Variants in SGO1 observed in about 807,000 individuals in gnomAD.
The protein encoded by SGO1 is shugoshin 1, also known as serologically defined breast cancer antigen NY-BR-85.
A neutral mutation model predicts 50.5 loss-of-function variants in SGO1; 39 were observed. That is an observed-to-expected ratio of 0.77 (90% CI 0.60 to 1.01). The LOEUF (loss-of-function observed/expected upper bound fraction) is 1.01. SGO1 is among the 50% of genes least tolerant of loss of function. SGO1 has a pLI of 0.00. For synonymous variants in SGO1, 191 were observed against 205.1 expected, an observed-to-expected ratio of 0.93 and a Z score of 0.59; for missense variants, 638 against 606.0, an observed-to-expected ratio of 1.05 and a Z score of -0.55.
In SGO1 at chr3:20,183,814, G is replaced by A; in HGVS notation, c.143-10C>T. ...AGTGTAGAAGTGTTGGCTAAAAGAG[G>A]ATAAAAAAATTTATCAGTTATTAAA... On this transcript the variant is annotated splice_polypyrimidine_tract_variant and intron_variant, in intron 2 of 7. Coordinates refer to ENST00000412997, the MANE Select transcript of SGO1 (RefSeq NM_001199251.3). The A allele has an allele frequency of 1.3e-6, 2 of 1,599,902 alleles. No individual in the cohort carries two copies. Among genetic ancestry groups the A allele is most frequent in the Non-Finnish European group, 1.7e-6 (2 of 1,176,550 alleles).
chr3:20,165,194 G>A (rs1700232440), downstream of SGO1, among the ~76,000 whole-genome samples: 1 of 152,178 alleles, frequency 6.6e-6, no homozygotes, highest in South Asian at 2.1e-4. Context: ...GAGATCACAC[G>A]GCAAGAAAGG....
chr3:20,168,400 A>G (rs1340996455), downstream of SGO1, among the ~76,000 whole-genome samples: 4 of 151,232 alleles, frequency 2.6e-5, no homozygotes, highest in African/African-American at 9.7e-5. Flanking sequence ...TAGTGCTTCT[A>G]TCATTAAAAT....
chr3:20,160,988 T>G, exon 9 of SGO1: 8 of 1,461,818 alleles, frequency 5.5e-6, no homozygotes, highest in Non-Finnish European at 7.4e-6. Context: ...TGAAACAGAC[T>G]GTCAACACCC....
chr3:20,180,720 A>G (rs1701919154), intron 3 of SGO1, among the ~76,000 whole-genome samples: 1 of 152,242 alleles, frequency 6.6e-6, no homozygotes, highest in South Asian at 2.1e-4. Flanking sequence ...TCAATTCCTA[A>G]GAAGCCAATT....
At chr3:20,182,605 A>G (rs1283759755) in intron 3 of SGO1, among the ~76,000 whole-genome samples, 1 of 152,328 alleles carries the variant, frequency 6.6e-6, no homozygotes, top group Non-Finnish European at 1.5e-5. Context: ...GTGATACACA[A>G]TGGTATAGCC....
downstream of SGO1, chr3:20,169,330 A>C: frequency 8.1e-6 from 8 of 983,148 alleles, no homozygotes; most frequent in Non-Finnish European, 9.7e-6. Flanking sequence ...AGCAATGACT[A>C]CTGAAAATAC....
rs1476674269 is a variant in SGO1, at chr3:20,170,394, G to A, written c.*310C>T. The A allele has an allele frequency of 9.5e-6, 9 of 950,628 alleles. No individual in the cohort carries two copies. The highest frequency in any genetic ancestry group is 4.9e-5 in the South Asian group (1 of 20,546). 58.9% of individuals were successfully genotyped at this position (950,628 alleles called of 1,614,324 possible). ...GCCTGGGCAACAAGAATGAAATTCC[G>A]CCTCCAAAAAAAAAAAAAGATATAT... On this transcript the variant is annotated 3_prime_UTR_variant, in exon 8 of 8. Coordinates refer to ENST00000412997, the MANE Select transcript of SGO1 (RefSeq NM_001199251.3).
At chr3:20,161,106 T>C in exon 9 of SGO1, 1 of 1,613,906 alleles carries the variant, frequency 6.2e-7, no homozygotes, top group Non-Finnish European at 8.5e-7. Context: ...CCGTGGACTT[T>C]ACCTCAAGCA....
intron 8 of SGO1, among the ~76,000 whole-genome samples, chr3:20,161,576 T>C (rs1022803557): frequency 2.0e-5 from 3 of 152,048 alleles, no homozygotes; most frequent in Non-Finnish European, 4.4e-5. Flanking sequence ...TTATACACAA[T>C]GTGAATTCCA....
At chr3:20,179,000 A>G (rs1046672395) in intron 3 of SGO1, among the ~76,000 whole-genome samples, 1 of 152,210 alleles carries the variant, frequency 6.6e-6, no homozygotes, top group Non-Finnish European at 1.5e-5. Context: ...ATCATTGCAT[A>G]TCTGGCAAGA....
At position 20,183,721 on chromosome 3, in the gene SGO1, T is replaced by C; in HGVS notation, c.226A>G (p.Lys76Glu). 3 of 1,613,258 alleles carry C rather than the reference T, an allele frequency of 1.9e-6. No individual in the cohort carries two copies. Among genetic ancestry groups the C allele is most frequent in the Non-Finnish European group, 2.5e-6 (3 of 1,179,798 alleles). The change falls in exon 3 of 8, where the codon AAA becomes GAA. Residue 76 changes from lysine to glutamate, a missense_variant. Physicochemically the swap from Lys to Glu is moderately conservative, Grantham distance 56. Coordinates refer to ENST00000412997, the MANE Select transcript of SGO1 (RefSeq NM_001199251.3). ...LALENEKSKV[K>E]EAQDIILQLR... is the part of the protein sequence containing the mutation. ...TGTAGGATGATATCTTGGGCTTCTT[T>C]CACTTTGGATTTTTCATTTTCCAAA...
chr3:20,174,145 C>A (rs1559358012), intron 6 of SGO1, 104 bp downstream of exon 6: 14 of 939,350 alleles, frequency 1.5e-5, no homozygotes, highest in Non-Finnish European at 2.1e-5. Context: ...TGGTAAGTCT[C>A]CAACCTCCAC....
chr3:20,160,921 G>A (rs996301539), exon 9 of SGO1: 2 of 787,664 alleles, frequency 2.5e-6, no homozygotes, highest in Non-Finnish European at 3.9e-6. Context: ...CGGTCACCCT[G>A]GGAAAGTTGC....
At position 20,183,727 on chromosome 3, in the gene SGO1, T is replaced by C. The variant is rs1702291256; in HGVS notation, c.220A>G (p.Lys74Glu). The change falls in exon 3 of 8, where the codon AAA (lysine) becomes GAA (glutamate). Residue 74 changes from lysine to glutamate, a missense_variant. Physicochemically the swap from Lys to Glu is moderately conservative, Grantham distance 56. Transcript: ENST00000412997. ...ATGATATCTTGGGCTTCTTTCACTT[T>C]GGATTTTTCATTTTCCAAAGCTAAA... Reference protein sequence around the residue: ...LVLALENEKSKVKEAQDIILQ... With the variant: ...LVLALENEKSEVKEAQDIILQ... The C allele has an allele frequency of 6.2e-7, 1 of 1,613,686 alleles. No homozygotes were observed. The highest frequency in any genetic ancestry group is 2.2e-5 in the East Asian group (1 of 44,816).
chr3:20,183,028 A>T (rs1391323394), intron 3 of SGO1, among the ~76,000 whole-genome samples: 1 of 152,170 alleles, frequency 6.6e-6, no homozygotes, highest in Admixed American at 6.5e-5. Context: ...AAAAAAAAAA[A>T]AATATTTGAG....
At chr3:20,176,271 G>C (rs1424465193) in intron 5 of SGO1, among the ~76,000 whole-genome samples, 2 of 152,154 alleles carry the variant, frequency 1.3e-5, no homozygotes, top group Non-Finnish European at 2.9e-5. Flanking sequence ...CTATAAAACA[G>C]GACTAACTGT....
intron 3 of SGO1, among the ~76,000 whole-genome samples, chr3:20,182,558 CT>C (rs1702142793): frequency 6.6e-6 from 1 of 152,114 alleles, no homozygotes; most frequent in Non-Finnish European, 1.5e-5. Flanking sequence ...CTCATCATTA[CT>C]TTTTTCGTAA....
chr3:20,171,706 A>T (rs997956086), intron 6 of SGO1, among the ~76,000 whole-genome samples: 2 of 152,172 alleles, frequency 1.3e-5, no homozygotes, highest in African/African-American at 4.8e-5. Context: ...CTCTCTTTCA[A>T]TACCAAGGTT....
chr3:20,174,961 A>G lies in SGO1; in HGVS notation c.570T>C (p.Ser190=), dbSNP rs760065949. The G allele has an allele frequency of 5.9e-5, 96 of 1,613,784 alleles. 1 individual carries two copies. The South Asian group carries it at 1.0e-3, about 17-fold the overall frequency. Residue 190 remains serine, a synonymous_variant, in exon 6 of 8, where the codon TCT becomes TCC. Coordinates refer to ENST00000412997, the MANE Select transcript of SGO1 (RefSeq NM_001199251.3). ...STDNVLPRTV[S]VRSSLKKHCN... is the part of the protein sequence containing the mutation. ...AATGTTTCTTTAAACTGCTACGAAC[A>G]GATACAGTTCTAGGTAAGACATTAT...
Sources: allele counts gnomAD v4.1 joint callset (sites outside exome capture counted in the v4.1 genomes callset), GRCh38; gene constraint gnomAD v4.1.1; transcripts MANE v1.5; gene names NCBI Gene and HGNC (gene_info 2026-07-23, HGNC 2026-07-21).